CACNG3: variants seen among roughly 807,000 people sequenced by gnomAD.
The protein encoded by CACNG3 is voltage-dependent calcium channel gamma-3 subunit.
CACNG3 carries 3 observed loss-of-function variants against 28.5 expected under a neutral mutation model. That is an observed-to-expected ratio of 0.11 (90% confidence interval 0.05 to 0.27). CACNG3 has a LOEUF of 0.27. Ranked by LOEUF, CACNG3 falls within the 10% of genes least tolerant of loss-of-function variation. The pLI is 1.00. For missense variants in CACNG3, 236 were observed against 414.4 expected (o/e 0.57, Z 3.74); for synonymous variants, 174 against 162.2 (o/e 1.07, Z -0.55).
At chr16:24,299,029 G>GT (rs1326310305) in intron 1 of CACNG3, among the ~76,000 whole-genome samples, 1 of 152,036 alleles carries the variant, frequency 6.6e-6, no homozygotes, top group Non-Finnish European at 1.5e-5. Context: ...GCCAGGTCTC[G>GT]CCCCTGTAGA....
intron 1 of CACNG3, among the ~76,000 whole-genome samples, chr16:24,322,309 G>A (rs1198535475): frequency 6.6e-6 from 1 of 152,214 alleles, no homozygotes; most frequent in East Asian, 1.9e-4. Flanking sequence ...CAGTGCCTGT[G>A]AATGACTCTA....
intron 2 of CACNG3, among the ~76,000 whole-genome samples, chr16:24,351,914 C>T (rs893963454): frequency 1.4e-5 from 2 of 147,788 alleles, no homozygotes; most frequent in Non-Finnish European, 1.5e-5. Flanking sequence ...CTCCCGGGTT[C>T]ACGCCATTCT....
At chr16:24,265,403 A>AAAAAG (rs1898594807) in intron 1 of CACNG3, among the ~76,000 whole-genome samples, 1 of 147,832 alleles carries the variant, frequency 6.8e-6, no homozygotes, top group African/African-American at 2.5e-5. Flanking sequence ...AGAAAGAAAG[A>AAAAAG]AAAAGAAAGA....
chr16:24,269,805 AAG>A (rs1441368437), intron 1 of CACNG3, among the ~76,000 whole-genome samples: 1 of 150,048 alleles, frequency 6.7e-6, no homozygotes, highest in Non-Finnish European at 1.5e-5. Flanking sequence ...GAAAGAAAGA[AAG>A]AGAAAGAAAG....
chr16:24,269,572 C>T (rs1898657039), intron 1 of CACNG3, among the ~76,000 whole-genome samples: 1 of 151,764 alleles, frequency 6.6e-6, no homozygotes, highest in Non-Finnish European at 1.5e-5. Flanking sequence ...CATGGTGAAA[C>T]ACTGTCTCTA....
intron 1 of CACNG3, among the ~76,000 whole-genome samples, chr16:24,316,067 G>A (rs187312548): frequency 5.3e-5 from 8 of 152,070 alleles, no homozygotes; most frequent in East Asian, 1.9e-4. Context: ...TAGTGAGCCC[G>A]TATTATTATT....
At chr16:24,263,360 G>A (rs1898559898) in intron 1 of CACNG3, among the ~76,000 whole-genome samples, 1 of 152,116 alleles carries the variant, frequency 6.6e-6, no homozygotes, top group Non-Finnish European at 1.5e-5. Context: ...CTTGACATGA[G>A]CTATGTATTT....
intron 1 of CACNG3, among the ~76,000 whole-genome samples, chr16:24,302,098 G>A (rs1363710875): frequency 1.3e-5 from 2 of 152,194 alleles, no homozygotes; most frequent in Non-Finnish European, 2.9e-5. Context: ...AGGGCCTTGG[G>A]CAGCCTGGAA....
chr16:24,342,164 A>G (rs1899800019), intron 1 of CACNG3, among the ~76,000 whole-genome samples: 2 of 152,156 alleles, frequency 1.3e-5, no homozygotes, highest in Admixed American at 6.5e-5. Context: ...GCTACTCAGG[A>G]GGCTGAGGCA....
chr16:24,341,594 C>T (rs1899787632), intron 1 of CACNG3, among the ~76,000 whole-genome samples: 1 of 152,194 alleles, frequency 6.6e-6, no homozygotes, highest in Non-Finnish European at 1.5e-5. Context: ...ATGGCAACTC[C>T]ATGAAGTTAC....
chr16:24,322,050 G>C (rs1159609901), intron 1 of CACNG3, among the ~76,000 whole-genome samples: 1 of 152,152 alleles, frequency 6.6e-6, no homozygotes, highest in Non-Finnish European at 1.5e-5. Context: ...GAGGCCTCAA[G>C]CAGTTAAGTC....
chr16:24,274,343 T>C (rs762849209), intron 1 of CACNG3, among the ~76,000 whole-genome samples: 4 of 152,216 alleles, frequency 2.6e-5, no homozygotes, highest in Non-Finnish European at 5.9e-5. Context: ...ATTGTCATTA[T>C]ACCTACTCAT....
At chr16:24,270,941 A>G (rs1898679311) in intron 1 of CACNG3, among the ~76,000 whole-genome samples, 1 of 152,206 alleles carries the variant, frequency 6.6e-6, no homozygotes, top group Admixed American at 6.5e-5. Flanking sequence ...CAAAGGCTTG[A>G]AGCGGGGAAT....
At chr16:24,304,240 T>C (rs1899153739) in intron 1 of CACNG3, among the ~76,000 whole-genome samples, 1 of 152,164 alleles carries the variant, frequency 6.6e-6, no homozygotes, top group Admixed American at 6.5e-5. Context: ...GCAGTCATCA[T>C]GGGAAAAAAT....
At chr16:24,331,058 C>T (rs1899625283) in intron 1 of CACNG3, among the ~76,000 whole-genome samples, 2 of 152,086 alleles carry the variant, frequency 1.3e-5, no homozygotes, top group African/African-American at 4.8e-5. Context: ...TTTGCTGGTA[C>T]CCCAAACACA....
intron 2 of CACNG3, among the ~76,000 whole-genome samples, chr16:24,352,456 A>G (rs1236248374): frequency 6.6e-6 from 1 of 152,154 alleles, no homozygotes; most frequent in Non-Finnish European, 1.5e-5. Flanking sequence ...CCAGCGTGTT[A>G]CCACCTCAGG....
At chr16:24,269,746 C>CAAAAAAAAAAAAAAAAAAAAAAAAAAA (rs1163565728) in intron 1 of CACNG3, among the ~76,000 whole-genome samples, 1 of 71,076 alleles carries the variant, frequency 1.4e-5, no homozygotes, top group Non-Finnish European at 2.9e-5. Flanking sequence ...GACTCCATCT[C>CAAAAAAAAAAAAAAAAAAAAAAAAAAA]AAAAAAAAAA....
intron 1 of CACNG3, among the ~76,000 whole-genome samples, chr16:24,296,710 A>G (rs1045367907): frequency 6.6e-6 from 1 of 152,222 alleles, no homozygotes; most frequent in Non-Finnish European, 1.5e-5. Flanking sequence ...ACTTTATATT[A>G]TAAAACTAGG....
intron 1 of CACNG3, among the ~76,000 whole-genome samples, chr16:24,330,386 C>A (rs577519487): frequency 5.9e-4 from 90 of 152,332 alleles, no homozygotes; most frequent in Non-Finnish European, 1.1e-3. Context: ...CCAAACCTAT[C>A]TTGCCTATCC....
Sources: allele counts gnomAD v4.1 joint callset (sites outside exome capture counted in the v4.1 genomes callset), GRCh38; gene constraint gnomAD v4.1.1; transcripts MANE v1.5; gene names NCBI Gene and HGNC (gene_info 2026-07-23, HGNC 2026-07-21).